BRCA1: variants seen among roughly 807,000 people sequenced by gnomAD.
BRCA1 encodes the protein breast cancer type 1 susceptibility protein.
BRCA1 carries 140 observed loss-of-function variants against 173.7 expected under a neutral mutation model. The ratio of observed to expected loss-of-function variants is 0.81; its 90% CI spans 0.70 to 0.93. The LOEUF is 0.93. Among genes scored for constraint, BRCA1 ranks in the 40% least tolerant of loss-of-function variants. The pLI is 0.00. For missense variants in BRCA1, 1,983 were observed against 2,172.5 expected, an observed-to-expected ratio of 0.91 and a Z score of 1.73; for synonymous variants, 662 against 756.0, an observed-to-expected ratio of 0.88 and a Z score of 2.04.
chr17:43,112,280 G>T (rs943787198), intron 3 of BRCA1, among the ~76,000 whole-genome samples: 2 of 152,050 alleles, frequency 1.3e-5, no homozygotes, highest in African/African-American at 4.8e-5. Context: ...AGTAGAGATG[G>T]TGTTACCATA....
At chr17:43,102,164 G>C (rs1397828141) in intron 6 of BRCA1, among the ~76,000 whole-genome samples, 1 of 148,930 alleles carries the variant, frequency 6.7e-6, no homozygotes, top group East Asian at 2.0e-4. Context: ...TCCACCTCCC[G>C]GGTTCATGCT....
intron 1 of BRCA1, chr17:43,148,440 G>A (rs1454342170): frequency 6.6e-6 from 1 of 152,270 alleles, no homozygotes; most frequent in Non-Finnish European, 1.5e-5. Context: ...TATAGGATTT[G>A]GGTAGGTAGT....
chr17:43,125,866 T>A (rs2055857708), upstream of BRCA1: 1 of 154,592 alleles, frequency 6.5e-6, no homozygotes, highest in Admixed American at 6.4e-5. Context: ...CAGTGTTCCT[T>A]AGAAACTGTA....
chr17:43,071,078 C>A lies in BRCA1; in HGVS notation c.4836G>T (p.Gln1612His), dbSNP rs747688901. ...CAGTAGTATGAGCAGCAGCTGGACT[C>A]TGGGCAGATTCTGCAACTTTCAATT... ...VPQLKVAESA[Q>H]SPAAAHTTDT... The change falls in exon 15 of 23, where the codon CAG becomes CAT. Residue 1612 changes from glutamine (Q) to histidine (H), a missense_variant. Physicochemically the swap from Gln to His is conservative, Grantham distance 24 (BLOSUM62 0). Coordinates refer to ENST00000357654, the MANE Select transcript of BRCA1 (RefSeq NM_007294.4). 6.2e-7 allele frequency: 1 copy of A among 1,614,142 alleles called. No individual in the cohort carries two copies. The highest frequency in any genetic ancestry group is 8.5e-7 in the Non-Finnish European group (1 of 1,180,024).
In BRCA1 at chr17:43,138,531, A is replaced by G. The variant is rs1399822299; in HGVS notation, c.-19-14416T>C. The stretch of plus-strand genomic sequence containing the variant: ...CAAAGCCTCGGACACCCAAACACCT[A>G]CCAAAAGTGGGTAGGGTGCCAGGAC... On this transcript the variant is annotated intron_variant, in intron 1 of 7. Transcript: ENST00000634433. 4.5e-6 allele frequency: 3 copies of G among 664,070 alleles called. No homozygotes were observed. In the African/African-American group the frequency reaches 5.4e-5, roughly 12 times the overall value. 41.1% of individuals were successfully genotyped at this position (664,070 alleles called of 1,614,324 possible).
chr17:43,067,927 T>C (rs2052215408), intron 15 of BRCA1, among the ~76,000 whole-genome samples: 2 of 145,192 alleles, frequency 1.4e-5, no homozygotes, highest in African/African-American at 5.1e-5. Context: ...ATACCAGTTA[T>C]CCTAGCTTTA....
intron 1 of BRCA1, chr17:43,161,615 T>A (rs2056236303): frequency 1.3e-5 from 2 of 152,364 alleles, no homozygotes; most frequent in African/African-American, 4.8e-5. Context: ...ATTTACTGAA[T>A]GGATTTTTCT....
chr17:43,130,786 C>T (rs1294001165), intron 1 of BRCA1, among the ~76,000 whole-genome samples: 2 of 152,182 alleles, frequency 1.3e-5, no homozygotes, highest in Non-Finnish European at 2.9e-5. Context: ...AGTTTTATGT[C>T]TAGTAATGGG....
In BRCA1 at chr17:43,100,677, T is replaced by A. The variant is rs1238556391; in HGVS notation, c.442-797A>T. Among the ~76,000 whole-genome samples the A allele has an allele frequency of 3.8e-3, 56 of 14,678 alleles. 5 individuals carry two copies. In the East Asian group the frequency reaches 0.09, roughly 23 times the overall value. 9.6% of individuals were successfully genotyped at this position (14,678 alleles called of 152,430 possible). On this transcript the variant is annotated intron_variant, in intron 6 of 22. Transcript: ENST00000357654. The stretch of plus-strand genomic sequence containing the variant: ...TATAACATATATATATATATATATA[T>A]AATATATATATATATATATATATAT...
At chr17:43,050,615 AAAG>A (rs376309842) in intron 20 of BRCA1, among the ~76,000 whole-genome samples, 35,427 of 138,804 alleles carry the variant, frequency 0.26, 4,794 homozygotes, top group South Asian at 0.44. Context: ...CCTCAAAAAA[AAAG>A]AAAAAAAAAA....
chr17:43,156,040 C>T (rs942157582), intron 1 of BRCA1, among the ~76,000 whole-genome samples: 87 of 152,104 alleles, frequency 5.7e-4, no homozygotes, highest in Non-Finnish European at 9.6e-4. Flanking sequence ...AGTTTGAGAC[C>T]AGCCTAGCCA....
Position 43,098,815 on chromosome 17 carries a change from A to T in BRCA1, c.547+960T>A, listed in dbSNP as rs1281148408. Among the ~76,000 whole-genome samples the T allele has an allele frequency of 5.4e-5, 8 of 148,254 alleles. 1 individual carries two copies. The East Asian group carries it at 1.6e-3, about 30-fold the overall frequency. ...GAGCCATCCTGCCCAGCCAAGATTC[A>T]GCTCTTTTTTTTTTTTTTTGAGATG... On this transcript the variant is annotated intron_variant, in intron 7 of 22. Transcript: ENST00000357654.
chr17:43,166,188 C>G (rs567668331), intron 1 of BRCA1: 1 of 151,788 alleles, frequency 6.6e-6, no homozygotes, highest in African/African-American at 2.4e-5. Context: ...ATCCTTGACT[C>G]TCTGTCTGTC....
At chr17:43,139,776 G>C (rs1244963676) in intron 1 of BRCA1, 1 of 444,300 alleles carries the variant, frequency 2.3e-6, no homozygotes, top group South Asian at 1.6e-5. Flanking sequence ...CCACTTATAA[G>C]TGAGAACGTG....
rs369373293 is a variant in BRCA1, at chr17:43,093,626, A to G, written c.1905T>C (p.Asn635=). 2.2e-5 allele frequency: 35 copies of G among 1,613,928 alleles called. No individual in the cohort carries two copies. The African/African-American group carries it at 3.5e-4, about 16-fold the overall frequency. Residue 635 remains asparagine (N), a synonymous_variant, in exon 10 of 23, where the codon AAT becomes AAC. Coordinates refer to ENST00000357654, the MANE Select transcript of BRCA1 (RefSeq NM_007294.4). ...LVVSRNLSPP[N]CTELQIDSCS... ...AACTATCAATTTGCAATTCAGTACA[A>G]TTAGGTGGGCTTAGATTTCTACTGA...
chr17:43,139,100 C>T (rs1266625484), intron 1 of BRCA1, among the ~76,000 whole-genome samples: 1 of 151,926 alleles, frequency 6.6e-6, no homozygotes, highest in Non-Finnish European at 1.5e-5. Context: ...TACATTTGGT[C>T]TCTGCCCCCG....
chr17:43,146,583 C>T (rs2056123391), intron 1 of BRCA1, among the ~76,000 whole-genome samples: 1 of 152,008 alleles, frequency 6.6e-6, no homozygotes, highest in Non-Finnish European at 1.5e-5. Flanking sequence ...CTTGGGATTA[C>T]AGGCGTGAGC....
chr17:43,123,873 C>T (rs2055704520), intron 2 of BRCA1, 144 bp downstream of exon 2: 2 of 704,866 alleles, frequency 2.8e-6, no homozygotes, highest in Non-Finnish European at 5.1e-6. Context: ...TTTTAAAGTT[C>T]TTCAGTTAAG....
At chr17:43,063,483 A>C (rs1019506976) in intron 17 of BRCA1, 110 bp from the exon 18 acceptor site, 1 of 903,972 alleles carries the variant, frequency 1.1e-6, no homozygotes, top group African/African-American at 1.6e-5. Context: ...ATGACAGAGG[A>C]GAGGTCCTTC....
Sources: allele counts gnomAD v4.1 joint callset (sites outside exome capture counted in the v4.1 genomes callset), GRCh38; gene constraint gnomAD v4.1.1; transcripts MANE v1.5; gene names NCBI Gene and HGNC (gene_info 2026-07-23, HGNC 2026-07-21).